The following TENM1 variants were observed in gnomAD, a reference collection of about 807,000 sequenced individuals.
TENM1 encodes the protein teneurin transmembrane protein 1.
In TENM1, 35 loss-of-function variants were observed where a neutral mutation model predicts 174.8. The observed-to-expected ratio is 0.20, with a 90% CI of 0.15 to 0.27. The LOEUF is 0.27. Ranked by LOEUF, TENM1 falls within the 10% of genes least tolerant of loss-of-function variation. The pLI, the probability that TENM1 is intolerant of heterozygous loss-of-function variation, is 1.00. For missense variants in TENM1, 1,633 were observed against 2,130.1 expected, an observed-to-expected ratio of 0.77 and a Z score of 4.59; for synonymous variants, 781 against 798.7, an observed-to-expected ratio of 0.98 and a Z score of 0.37.
At chrX:125,119,200 T>A in the TENM1 span, among the ~76,000 whole-genome samples, 1 of 111,376 alleles carries the variant, frequency 9.0e-6, no homozygotes, top group Non-Finnish European at 1.9e-5. Flanking sequence ...ACAGCTTTTT[T>A]AATGTTTTAT....
At chrX:125,118,552 T>C in the TENM1 span, among the ~76,000 whole-genome samples, 1 of 111,110 alleles carries the variant, frequency 9.0e-6, no homozygotes, top group Non-Finnish European at 1.9e-5. Context: ...TAAAAGACTC[T>C]TACGACTCAA....
chrX:124,647,202 T>A (rs1602898318), intron 8 of TENM1, among the ~76,000 whole-genome samples: 1 of 112,048 alleles, frequency 8.9e-6, no homozygotes, highest in African/African-American at 3.2e-5. Context: ...CTACTGTTTA[T>A]TTTTCAAATT....
At chrX:124,764,621 C>A (rs1457142523) in intron 3 of TENM1, among the ~76,000 whole-genome samples, 1 of 107,187 alleles carries the variant, frequency 9.3e-6, no homozygotes, top group Non-Finnish European at 1.9e-5. Context: ...CCAGTTTCTG[C>A]AAAATAAACT....
chrX:124,469,409 T>C (rs2147894280), intron 22 of TENM1, among the ~76,000 whole-genome samples: 1 of 111,707 alleles, frequency 9.0e-6, no homozygotes, highest in East Asian at 2.8e-4. Flanking sequence ...ACTATTTCCA[T>C]TTTACAGATG....
At chrX:124,831,227 G>T (rs1472557564) in intron 3 of TENM1, among the ~76,000 whole-genome samples, 1 of 110,775 alleles carries the variant, frequency 9.0e-6, no homozygotes, top group African/African-American at 3.3e-5. Context: ...GAGCTTCCTA[G>T]GCATCCTCTC....
chrX:124,631,735 T>C (rs1263076246), intron 11 of TENM1, among the ~76,000 whole-genome samples: 1 of 106,638 alleles, frequency 9.4e-6, no homozygotes, highest in African/African-American at 3.4e-5. Context: ...CCATCTCTAC[T>C]AAAAATACAA....
At chrX:124,857,067 G>A (rs1289405362) in intron 3 of TENM1, among the ~76,000 whole-genome samples, 1 of 110,753 alleles carries the variant, frequency 9.0e-6, no homozygotes, top group African/African-American at 3.3e-5. Flanking sequence ...ATGAGCCCTG[G>A]CCATAAAAGG....
At chrX:124,673,014 T>G (rs932526137) in intron 5 of TENM1, among the ~76,000 whole-genome samples, 3 of 111,959 alleles carry the variant, frequency 2.7e-5, no homozygotes, top group Non-Finnish European at 5.6e-5. Context: ...ATGTGTAACA[T>G]TTGCCATCTG....
At chrX:124,672,403 G>A (rs1437149045) in intron 5 of TENM1, among the ~76,000 whole-genome samples, 1 of 111,571 alleles carries the variant, frequency 9.0e-6, no homozygotes, top group African/African-American at 3.3e-5. Flanking sequence ...ATTGACATAA[G>A]ACAGGTTTAA....
At chrX:124,983,563 A>C in the TENM1 span, among the ~76,000 whole-genome samples, 1 of 111,676 alleles carries the variant, frequency 9.0e-6, no homozygotes, top group Non-Finnish European at 1.9e-5. Flanking sequence ...GACTCCTGAA[A>C]CCGTAACAAA....
intron 15 of TENM1, among the ~76,000 whole-genome samples, chrX:124,538,475 A>G (rs1356033048): frequency 9.0e-6 from 1 of 111,485 alleles, no homozygotes; most frequent in Non-Finnish European, 1.9e-5. Flanking sequence ...CAGAAGGTAT[A>G]TTTGAGGATG....
At chrX:125,092,418 G>A in the TENM1 span, among the ~76,000 whole-genome samples, 2 of 111,934 alleles carry the variant, frequency 1.8e-5, no homozygotes, top group African/African-American at 6.5e-5. Flanking sequence ...AAAAGAAGTT[G>A]TAGAACTAAT....
At chrX:124,900,391 G>A (rs2057638984) in intron 1 of TENM1, among the ~76,000 whole-genome samples, 1 of 111,901 alleles carries the variant, frequency 8.9e-6, no homozygotes, top group African/African-American at 3.3e-5. Flanking sequence ...GGAAAAGGGT[G>A]GAGGGAGAGA....
At chrX:124,998,316 G>C in the TENM1 span, among the ~76,000 whole-genome samples, 2 of 109,583 alleles carry the variant, frequency 1.8e-5, no homozygotes, top group South Asian at 7.7e-4. Flanking sequence ...AAATTGAAAG[G>C]GGAGCCACTG....
chrX:124,478,212 G>A (rs564152996), intron 22 of TENM1, among the ~76,000 whole-genome samples: 1 of 112,548 alleles, frequency 8.9e-6, no homozygotes, highest in South Asian at 3.8e-4. Context: ...CTATCTTCGT[G>A]TTCGGGTAAA....
chrX:124,797,121 T>C (rs770284417), intron 3 of TENM1, among the ~76,000 whole-genome samples: 1 of 112,077 alleles, frequency 8.9e-6, no homozygotes, highest in Non-Finnish European at 1.9e-5. Flanking sequence ...TGTCCAAAAG[T>C]AGACTTTAAA....
At position 124,831,058 on chromosome X, in the gene TENM1, T is replaced by C. The variant is rs1487359974; in HGVS notation, c.535+63238A>G. 4.5e-5 allele frequency among the ~76,000 whole-genome samples: 5 copies of C among 111,946 alleles called. No individual in the cohort carries two copies. The Admixed American group carries it at 4.8e-4, about 11-fold the overall frequency. ...CAAGGACAATTTTTGAAGATCTGCA[T>C]TTCCCTTGTCTTTTTACCTTATCCC... On this transcript the variant is annotated intron_variant, in intron 3 of 31. Transcript: ENST00000422452.
At chrX:125,129,847 T>C in the TENM1 span, among the ~76,000 whole-genome samples, 179 of 111,620 alleles carry the variant, frequency 1.6e-3, 2 homozygotes, top group African/African-American at 5.4e-3. Flanking sequence ...ATTCTTCTGT[T>C]AATGGACACT....
intron 18 of TENM1, 104 bp from the exon 22 acceptor site, chrX:124,503,807 G>C (rs2047384472): frequency 2.4e-6 from 2 of 821,070 alleles, no homozygotes; most frequent in Non-Finnish European, 1.7e-6. Context: ...ACTGAATTCT[G>C]ATTAGAGTTG....
Sources: gnomAD v4.1 joint callset for allele counts (sites outside exome capture counted in the v4.1 genomes callset) on GRCh38, gnomAD v4.1.1 for gene constraint, MANE v1.5 for transcripts, NCBI Gene and HGNC (gene_info 2026-07-23, HGNC 2026-07-21) for gene names.